ADCY2: variants seen among roughly 807,000 people sequenced by gnomAD.
ADCY2 encodes the protein adenylate cyclase 2.
Under a neutral mutation model 125.2 loss-of-function variants are expected in ADCY2, and 31 were observed. The observed-to-expected ratio is 0.25, with a 90% CI of 0.19 to 0.33. The LOEUF (loss-of-function observed/expected upper bound fraction) is 0.33, where lower values mean the gene tolerates loss of function less well. ADCY2 is among the 10% of genes least tolerant of loss of function. The pLI, the probability that ADCY2 is intolerant of heterozygous loss-of-function variation, is 1.00. For synonymous variants in ADCY2, 512 were observed against 548.4 expected (o/e 0.93, Z 0.93); for missense variants, 904 against 1,418.2 (o/e 0.64, Z 5.82).
At position 7,595,999 on chromosome 5, in the gene ADCY2, A is replaced by G. The variant is rs139827766; in HGVS notation, c.571-30168A>G. The stretch of plus-strand genomic sequence containing the variant: ...GACTATAGTAGCAAATTATATAGAC[A>G]TATGAGAAATTTTATATGGTGATGC... On this transcript the variant is annotated intron_variant, in intron 3 of 24. Transcript: ENST00000338316. Among the ~76,000 whole-genome samples, 330 of 152,228 alleles carry G rather than the reference A, an allele frequency of 2.2e-3. 1 individual carries two copies. The highest frequency in any genetic ancestry group is 7.4e-3 in the African/African-American group (308 of 41,526).
intron 4 of ADCY2, among the ~76,000 whole-genome samples, chr5:7,637,035 T>C (rs1405696432): frequency 6.6e-6 from 1 of 152,252 alleles, no homozygotes; most frequent in African/African-American, 2.4e-5. Flanking sequence ...ATCTTAATAA[T>C]GCATCTTTGG....
intron 3 of ADCY2, among the ~76,000 whole-genome samples, chr5:7,623,788 A>G (rs1012171376): frequency 1.3e-5 from 2 of 152,198 alleles, no homozygotes; most frequent in Non-Finnish European, 2.9e-5. Flanking sequence ...TGTTACCTGC[A>G]TATCACCTGC....
At position 7,757,453 on chromosome 5, in the gene ADCY2, G is replaced by C; in HGVS notation, c.1961G>C (p.Cys654Ser). ...FVCFAGQLLQ[C>S]SKKASPLLMW... Reference sequence around the variant, plus strand: ...TTTCTTTCTCTCTTCTCCTAGCAATGCAGCAAAAAAGCCTCTCCCCTGCTC... The same window carrying C: ...TTTCTTTCTCTCTTCTCCTAGCAATCCAGCAAAAAAGCCTCTCCCCTGCTC... Residue 654 changes from cysteine (C) to serine (S), a missense_variant, in exon 16 of 25, where the codon TGC (cysteine) becomes TCC (serine). Around this residue, in one of 7 missense-constraint regions of ADCY2, gnomAD observed 221 missense variants for 246.2 expected, o/e 0.90. Coordinates refer to ENST00000338316, the MANE Select transcript of ADCY2 (RefSeq NM_020546.3). 1 of 1,613,468 alleles carries C rather than the reference G, an allele frequency of 6.2e-7. No individual in the cohort carries two copies. The highest frequency in any genetic ancestry group is 8.5e-7 in the Non-Finnish European group (1 of 1,179,754).
chr5:7,404,274 G>C (rs17813080), intron 1 of ADCY2, among the ~76,000 whole-genome samples: 21,194 of 151,748 alleles, frequency 0.14, 1,997 homozygotes, highest in Non-Finnish European at 0.21. Context: ...TGTCTTTTTA[G>C]CTTTTTCAAG....
At chr5:7,523,315 TAAAA>T (rs5865718) in intron 3 of ADCY2, among the ~76,000 whole-genome samples, 6 of 135,698 alleles carry the variant, frequency 4.4e-5, no homozygotes, top group Non-Finnish European at 3.2e-5. Flanking sequence ...CCTGCATTGG[TAAAA>T]AAAAAAAAAA....
intron 18 of ADCY2, among the ~76,000 whole-genome samples, chr5:7,783,552 A>AC (rs1349611822): frequency 6.6e-6 from 1 of 151,992 alleles, no homozygotes; most frequent in East Asian, 1.9e-4. Flanking sequence ...AAAAACAAGG[A>AC]CGACACACAA....
intron 14 of ADCY2, among the ~76,000 whole-genome samples, chr5:7,734,026 T>C (rs189488616): frequency 6.6e-6 from 1 of 152,250 alleles, no homozygotes; most frequent in Non-Finnish European, 1.5e-5. Flanking sequence ...CCCTTTCATT[T>C]TGAAGTTCTA....
chr5:7,479,680 G>A (rs986729247), intron 2 of ADCY2, among the ~76,000 whole-genome samples: 4 of 151,506 alleles, frequency 2.6e-5, no homozygotes, highest in African/African-American at 9.7e-5. Flanking sequence ...CAAATACTAG[G>A]TCTTATTTAT....
At chr5:7,787,337 C>T (rs563568735) in intron 19 of ADCY2, among the ~76,000 whole-genome samples, 10 of 152,334 alleles carry the variant, frequency 6.6e-5, no homozygotes, top group African/African-American at 1.9e-4. Context: ...CCCCTCCTTT[C>T]TCTTGTAAGC....
chr5:7,512,198 G>A (rs1048815898), intron 2 of ADCY2, among the ~76,000 whole-genome samples: 1 of 101,954 alleles, frequency 9.8e-6, no homozygotes, highest in Non-Finnish European at 1.8e-5. Flanking sequence ...TCCAGCCTGG[G>A]CAGTAGAGCA....
Position 7,773,031 on chromosome 5 carries a change from G to A in ADCY2, c.2314G>A (p.Gly772Ser). Residue 772 changes from glycine (G) to serine (S), a missense_variant, in exon 18 of 25, where the codon GGC becomes AGC. Gly to Ser is a moderately conservative substitution (Grantham distance 56). Around this residue, in one of 7 missense-constraint regions of ADCY2, gnomAD observed 221 missense variants for 246.2 expected, o/e 0.90. Transcript: ENST00000338316. ...KMLIMMVALV[G>S]YNTILLHTHA... is the part of the protein sequence containing the mutation. ...GTTGATCATGATGGTGGCCTTGGTGGGCTACAACACCATCCTACTCCACAC... is the reference window on the plus strand; with the variant it reads ...GTTGATCATGATGGTGGCCTTGGTGAGCTACAACACCATCCTACTCCACAC... 1 of 1,614,156 alleles carries A rather than the reference G, an allele frequency of 6.2e-7. No individual in the cohort carries two copies. Among genetic ancestry groups the A allele is most frequent in the Non-Finnish European group, 8.5e-7 (1 of 1,180,030 alleles).
intron 4 of ADCY2, among the ~76,000 whole-genome samples, chr5:7,644,765 T>C (rs1738839113): frequency 6.6e-6 from 1 of 152,166 alleles, no homozygotes; most frequent in African/African-American, 2.4e-5. Flanking sequence ...ATTGCTCTGT[T>C]ATATAATTCT....
At chr5:7,687,138 T>G (rs1358850840) in intron 4 of ADCY2, among the ~76,000 whole-genome samples, 1 of 152,232 alleles carries the variant, frequency 6.6e-6, no homozygotes, top group Non-Finnish European at 1.5e-5. Flanking sequence ...AAAAAATTCT[T>G]GTTTTGTACA....
intron 2 of ADCY2, among the ~76,000 whole-genome samples, chr5:7,456,903 A>G (rs1008638331): frequency 6.6e-6 from 1 of 152,192 alleles, no homozygotes; most frequent in Non-Finnish European, 1.5e-5. Context: ...AAGGGAGGGA[A>G]TATTTTATTC....
chr5:7,468,142 A>T (rs1742195255), intron 2 of ADCY2, among the ~76,000 whole-genome samples: 1 of 152,174 alleles, frequency 6.6e-6, no homozygotes, highest in South Asian at 2.1e-4. Context: ...AGTTTGTATG[A>T]TCTCAGTTTA....
chr5:7,727,342 G>A, intron 14 of ADCY2, 81 bp downstream of exon 14: 1 of 1,164,120 alleles, frequency 8.6e-7, no homozygotes, highest in Non-Finnish European at 1.3e-6. Context: ...AGGTGTGAAA[G>A]GATGCTAATG....
chr5:7,399,091 G>A (rs1473933620), intron 1 of ADCY2, among the ~76,000 whole-genome samples: 2 of 152,198 alleles, frequency 1.3e-5, no homozygotes, highest in Non-Finnish European at 2.9e-5. Context: ...TTTCCATGCT[G>A]GAGCACTTTA....
intron 4 of ADCY2, among the ~76,000 whole-genome samples, chr5:7,681,662 G>C (rs1740342677): frequency 6.6e-6 from 1 of 152,154 alleles, no homozygotes; most frequent in Admixed American, 6.5e-5. Context: ...GGTGCTTCCA[G>C]CCTGGATTGG....
chr5:7,812,964 A>G (rs1744992175), intron 22 of ADCY2, among the ~76,000 whole-genome samples: 1 of 152,224 alleles, frequency 6.6e-6, no homozygotes, highest in Non-Finnish European at 1.5e-5. Context: ...AGGTGAGGAA[A>G]ACTGAGGCCC....
Sources: gnomAD v4.1 joint callset for allele counts (sites outside exome capture counted in the v4.1 genomes callset) on GRCh38, gnomAD v4.1.1 for gene constraint, gnomAD v4.1.1 regional missense constraint, MANE v1.5 for transcripts, NCBI Gene and HGNC (gene_info 2026-07-23, HGNC 2026-07-21) for gene names.